SNX27: variants seen among roughly 807,000 people sequenced by gnomAD.
The protein encoded by SNX27 is sorting nexin-27.
SNX27 carries 22 observed loss-of-function variants against 71.6 expected under a neutral mutation model. That is an observed-to-expected ratio of 0.31 (90% CI 0.22 to 0.44). The LOEUF is 0.44. Among genes scored for constraint, SNX27 ranks in the 20% least tolerant of loss-of-function variants. The probability of loss-of-function intolerance (pLI) is 1.00; values close to 1 mark genes in which losing one functional copy is unlikely to be tolerated. For missense variants in SNX27, 531 were observed against 698.6 expected, an observed-to-expected ratio of 0.76 and a Z score of 2.70; for synonymous variants, 269 against 277.2, an observed-to-expected ratio of 0.97 and a Z score of 0.29.
At chr1:151,660,684 T>TACTGATGATTTAAACTTAAA in intron 3 of SNX27, 114 bp from the exon 4 acceptor site, 2 of 758,372 alleles carry the variant, frequency 2.6e-6, no homozygotes, top group South Asian at 3.0e-5. Flanking sequence ...TATTGCCTGC[T>TACTGATGATTTAAACTTAAA]ACTGATGATT....
rs1160301333 is a variant in SNX27 at position 151,612,210 on chromosome 1, C to T, written c.9C>T (p.Asp3=). The T allele has an allele frequency of 7.4e-7, 1 of 1,349,336 alleles. No homozygotes were observed. The allele number at this position is 1,349,336 out of a possible 1,614,324, so 83.6% of individuals were successfully genotyped here. The change falls in exon 1 of 12, where the codon GAC becomes GAT. Residue 3 remains aspartate, a synonymous_variant. Coordinates refer to ENST00000458013, the MANE Select transcript of SNX27 (RefSeq NM_001330723.2). The surrounding 1 kb of genome is among the most constrained non-coding windows in gnomAD (Gnocchi z 5.2). The stretch of plus-strand genomic sequence containing the variant: ...GCTCGCCTGCTCGCAAGATGGCGGA[C>T]GAGGACGGGGAAGGGATTCATCCCT... The part of the protein sequence containing the change: MA[D]EDGEGIHPSA...
chr1:151,684,217 T>C (rs1010620145), intron 8 of SNX27, among the ~76,000 whole-genome samples: 3 of 152,214 alleles, frequency 2.0e-5, no homozygotes, highest in African/African-American at 7.2e-5. Context: ...AGAATTGTGC[T>C]ATTTGATTCA....
At chr1:151,672,641 A>G (rs1670494135) in intron 7 of SNX27, among the ~76,000 whole-genome samples, 1 of 151,892 alleles carries the variant, frequency 6.6e-6, no homozygotes, top group African/African-American at 2.4e-5. Context: ...CCTTTACTGG[A>G]GACTTTATTA....
intron 11 of SNX27, chr1:151,694,160 G>A: frequency 7.6e-7 from 1 of 1,312,128 alleles, no homozygotes. Flanking sequence ...TTTCTCTTCT[G>A]TGAAACAGGA....
chr1:151,665,460 A>G (rs1456443054), intron 5 of SNX27, among the ~76,000 whole-genome samples: 1 of 152,222 alleles, frequency 6.6e-6, no homozygotes, highest in East Asian at 1.9e-4. Flanking sequence ...TTGACAAACT[A>G]TTTTACACTC....
intron 1 of SNX27, among the ~76,000 whole-genome samples, chr1:151,629,886 C>CATAT (rs1011850051): frequency 1.3e-5 from 2 of 150,992 alleles, no homozygotes; most frequent in Non-Finnish European, 2.9e-5. Flanking sequence ...GCCACTGTTC[C>CATAT]ATATATATAT....
At chr1:151,664,690 T>G (rs1330461466) in intron 5 of SNX27, among the ~76,000 whole-genome samples, 3 of 152,168 alleles carry the variant, frequency 2.0e-5, no homozygotes, top group Non-Finnish European at 4.4e-5. Flanking sequence ...CCCCATACAT[T>G]TATTCATTCA....
intron 1 of SNX27, among the ~76,000 whole-genome samples, chr1:151,629,032 T>A (rs1241397105): frequency 2.0e-5 from 3 of 152,168 alleles, no homozygotes; most frequent in South Asian, 2.1e-4. Context: ...TGCTTTTTGG[T>A]GTTGTAGCTG....
chr1:151,631,741 G>A (rs1490639305), intron 1 of SNX27, among the ~76,000 whole-genome samples: 4 of 151,914 alleles, frequency 2.6e-5, no homozygotes, highest in African/African-American at 9.7e-5. Context: ...ACTGGAGTGC[G>A]GTGGCGCAAT....
intron 2 of SNX27, among the ~76,000 whole-genome samples, chr1:151,652,148 C>A (rs1298221795): frequency 2.1e-5 from 3 of 141,976 alleles, no homozygotes; most frequent in Non-Finnish European, 1.5e-5. Flanking sequence ...GCAGTACAGT[C>A]CAGCTTCGGC....
chr1:151,695,834 A>T lies in SNX27; in HGVS notation c.*1417A>T, dbSNP rs895697519. On this transcript the variant is annotated 3_prime_UTR_variant, in exon 12 of 12. Transcript: ENST00000458013. ...AGAAAGCAAGAAATGCCCTATGTAC[A>T]TGAGGTTTTACCTCCTCCATTCCTG... The T allele has an allele frequency of 6.6e-6, 1 of 152,232 alleles. No individual in the cohort carries two copies. Among genetic ancestry groups the T allele is most frequent in the Non-Finnish European group, 1.5e-5 (1 of 68,076 alleles). 9.4% of individuals were successfully genotyped at this position (152,232 alleles called of 1,614,324 possible).
intron 4 of SNX27, 190 bp downstream of exon 4, chr1:151,661,052 A>G (rs1669947323): frequency 3.9e-6 from 2 of 518,600 alleles, no homozygotes; most frequent in Non-Finnish European, 6.9e-6. Flanking sequence ...TTGAAGTGCC[A>G]GGCCCACTTT....
chr1:151,651,825 C>T (rs552033138), intron 2 of SNX27, among the ~76,000 whole-genome samples: 64 of 152,122 alleles, frequency 4.2e-4, no homozygotes, highest in African/African-American at 1.4e-3. Context: ...GCTGCAATCT[C>T]GGCACTTTGG....
intron 2 of SNX27, among the ~76,000 whole-genome samples, chr1:151,644,199 A>T (rs1298305517): frequency 1.3e-5 from 2 of 152,240 alleles, no homozygotes. Flanking sequence ...TACATGTCTT[A>T]TGACTCAAAG....
At chr1:151,613,461 T>C (rs1667286260) in intron 1 of SNX27, 1 of 152,468 alleles carries the variant, frequency 6.6e-6, no homozygotes, top group Non-Finnish European at 1.5e-5. Context: ...ACCGCTTTGC[T>C]TTTTTAGGGC....
At chr1:151,664,551 A>C (rs1331060465) in intron 5 of SNX27, among the ~76,000 whole-genome samples, 1 of 152,050 alleles carries the variant, frequency 6.6e-6, no homozygotes, top group African/African-American at 2.4e-5. Context: ...GCTGGGTGTA[A>C]TCATTGCCTG....
intron 1 of SNX27, chr1:151,615,843 A>G: frequency 1.0e-6 from 1 of 982,704 alleles, no homozygotes; most frequent in Non-Finnish European, 1.2e-6. Flanking sequence ...TTAAGGGCAT[A>G]CAAACTTGGA....
chr1:151,634,316 T>A (rs1400486397), intron 1 of SNX27, among the ~76,000 whole-genome samples: 1 of 152,210 alleles, frequency 6.6e-6, no homozygotes, highest in Non-Finnish European at 1.5e-5. Flanking sequence ...TCACAGAGGG[T>A]CAAAATAGTA....
intron 7 of SNX27, chr1:151,680,247 TC>T (rs1670879053): frequency 6.6e-6 from 1 of 151,382 alleles, no homozygotes; most frequent in African/African-American, 2.4e-5. Flanking sequence ...ACCTCCGTCT[TC>T]CGGGTTCAAG....
Sources: allele counts gnomAD v4.1 joint callset (sites outside exome capture counted in the v4.1 genomes callset), GRCh38; gene constraint gnomAD v4.1.1; non-coding constraint Gnocchi (gnomAD v3.1); transcripts MANE v1.5; gene names NCBI Gene and HGNC (gene_info 2026-07-23, HGNC 2026-07-21).